The following BLTP3A variants were observed in gnomAD, a reference collection of about 807,000 sequenced individuals.
BLTP3A encodes bridge-like lipid transfer protein family member 3A.
the BLTP3A span, among the ~76,000 whole-genome samples, chr6:34,794,133 C>T: frequency 6.7e-6 from 1 of 149,398 alleles, no homozygotes; most frequent in South Asian, 2.1e-4. Context: ...GCACTCCAGC[C>T]TAGGTGACAG....
chr6:34,792,889 CT>C, the BLTP3A span, among the ~76,000 whole-genome samples: 5 of 152,230 alleles, frequency 3.3e-5, no homozygotes, highest in Admixed American at 3.3e-4. Context: ...ACCTCCTCCT[CT>C]TCTGTCTGAC....
chr6:34,808,531 TATC>T, the BLTP3A span, among the ~76,000 whole-genome samples: 1 of 151,976 alleles, frequency 6.6e-6, no homozygotes, highest in African/African-American at 2.4e-5. Context: ...AAAGAGGGGT[TATC>T]ATTATAGATC....
the BLTP3A span, among the ~76,000 whole-genome samples, chr6:34,848,803 C>G: frequency 6.6e-6 from 1 of 151,892 alleles, no homozygotes; most frequent in Admixed American, 6.6e-5. Flanking sequence ...AGTGTTTAGT[C>G]TATTTACATT....
the BLTP3A span, among the ~76,000 whole-genome samples, chr6:34,832,273 A>G: frequency 5.6e-3 from 858 of 151,920 alleles, 9 homozygotes; most frequent in African/African-American, 0.02. Context: ...GGCATGCACC[A>G]CTGTATCTGG....
At chr6:34,857,791 C>T in the BLTP3A span, 2 of 1,614,138 alleles carry the variant, frequency 1.2e-6, no homozygotes, top group South Asian at 2.2e-5. Context: ...TCAGTTTGCT[C>T]TGGGGAAACC....
At chr6:34,823,937 C>T in the BLTP3A span, among the ~76,000 whole-genome samples, 10 of 151,814 alleles carry the variant, frequency 6.6e-5, no homozygotes, top group Admixed American at 2.6e-4. Context: ...CATATGATTC[C>T]GCTTGCAGAT....
chr6:34,868,051 A>G, the BLTP3A span, among the ~76,000 whole-genome samples: 2 of 152,188 alleles, frequency 1.3e-5, no homozygotes, highest in Non-Finnish European at 2.9e-5. Flanking sequence ...TCATGCCTGT[A>G]ATCCCAGCAC....
chr6:34,802,354 C>T, the BLTP3A span, among the ~76,000 whole-genome samples: 2 of 151,058 alleles, frequency 1.3e-5, no homozygotes, highest in South Asian at 4.2e-4. Context: ...TTACAGGTGC[C>T]CACCACCAAG....
the BLTP3A span, chr6:34,821,451 T>C: frequency 1.8e-6 from 1 of 540,844 alleles, no homozygotes. Flanking sequence ...TTCTGGCTGG[T>C]CTGAGTGCAG....
chr6:34,817,245 C>T, the BLTP3A span, among the ~76,000 whole-genome samples: 1 of 152,152 alleles, frequency 6.6e-6, no homozygotes, highest in South Asian at 2.1e-4. Flanking sequence ...GACTGAAGAA[C>T]CATTTCTTTC....
chr6:34,858,326 G>A, the BLTP3A span: 1 of 1,614,116 alleles, frequency 6.2e-7, no homozygotes, highest in Non-Finnish European at 8.5e-7. Context: ...GTTCCAGGTG[G>A]CTTTAGCCTT....
At chr6:34,792,084 T>G in the BLTP3A span, 1 of 420,216 alleles carries the variant, frequency 2.4e-6, no homozygotes, top group Non-Finnish European at 3.8e-6. Flanking sequence ...GGTGGGATCG[T>G]GGCGGAGCGC....
the BLTP3A span, among the ~76,000 whole-genome samples, chr6:34,855,148 A>G: frequency 6.6e-6 from 1 of 152,172 alleles, no homozygotes; most frequent in East Asian, 1.9e-4. Flanking sequence ...GTATATAATC[A>G]TTGTCTAATA....
chr6:34,865,595 G>A, the BLTP3A span, among the ~76,000 whole-genome samples: 93 of 152,184 alleles, frequency 6.1e-4, 1 homozygote, highest in South Asian at 0.013. Context: ...TTAGCTTTGA[G>A]GACCCTTCAT....
At chr6:34,871,738 A>G in the BLTP3A span, 1 of 1,612,476 alleles carries the variant, frequency 6.2e-7, no homozygotes, top group Non-Finnish European at 8.5e-7. Context: ...CTTTTCTCCT[A>G]AAAGTGAATA....
chr6:34,800,535 C>G, the BLTP3A span, among the ~76,000 whole-genome samples: 2 of 152,124 alleles, frequency 1.3e-5, no homozygotes, highest in African/African-American at 2.4e-5. Flanking sequence ...CATCCCGTAT[C>G]TTTAAGGGGC....
the BLTP3A span, chr6:34,835,208 G>A: frequency 2.8e-6 from 4 of 1,434,706 alleles, no homozygotes; most frequent in East Asian, 4.6e-5. Flanking sequence ...TTGAAAAGCC[G>A]CTTCTGAAAC....
At chr6:34,804,338 A>G in the BLTP3A span, among the ~76,000 whole-genome samples, 1 of 152,096 alleles carries the variant, frequency 6.6e-6, no homozygotes, top group Non-Finnish European at 1.5e-5. Context: ...GGCAAACTTT[A>G]TTGCCCATCT....
chr6:34,859,522 G>T, the BLTP3A span: 1 of 1,614,160 alleles, frequency 6.2e-7, no homozygotes, highest in South Asian at 1.1e-5. Flanking sequence ...TTTGGGCAGA[G>T]ATCGAATGAC....
Sources: gnomAD v4.1 joint callset for allele counts (sites outside exome capture counted in the v4.1 genomes callset) on GRCh38, gnomAD v4.1.1 for gene constraint, MANE v1.5 for transcripts, NCBI Gene and HGNC (gene_info 2026-07-23, HGNC 2026-07-21) for gene names.